Variants in SPRY3 observed in about 807,000 individuals in gnomAD.
The protein encoded by SPRY3 is sprouty RTK signaling antagonist 3.
A neutral mutation model predicts 20.2 loss-of-function variants in SPRY3; 15 were observed. The ratio of observed to expected loss-of-function variants is 0.74; its 90% CI spans 0.50 to 1.14. The LOEUF is 1.14. SPRY3 is among the 50% of genes most tolerant of loss of function. The pLI is 0.00. For synonymous variants in SPRY3, 143 were observed against 136.5 expected (o/e 1.05, Z -0.33); for missense variants, 364 against 363.9 (o/e 1.00, Z 0.00).
At chrX:155,613,044 G>A (rs1011363722) in intron 1 of SPRY3, 1 of 112,121 alleles carries the variant, frequency 8.9e-6, no homozygotes, top group Non-Finnish European at 1.9e-5. Flanking sequence ...TCTCCCATTC[G>A]GAAGGACTGG....
intron 2 of SPRY3, among the ~76,000 whole-genome samples, chrX:155,719,067 A>C (rs1283040501): frequency 6.6e-6 from 1 of 152,218 alleles, no homozygotes; most frequent in East Asian, 1.9e-4. Context: ...TAGAAAAAAC[A>C]GTCTTGAATC....
At chrX:155,712,423 A>G (rs1364094689) in intron 2 of SPRY3, among the ~76,000 whole-genome samples, 1 of 151,944 alleles carries the variant, frequency 6.6e-6, no homozygotes, top group South Asian at 2.1e-4. Context: ...AATTGGCCCC[A>G]TAATCATTAT....
chrX:155,756,980 C>G (rs1449604396), intron 2 of SPRY3, among the ~76,000 whole-genome samples: 9 of 152,136 alleles, frequency 5.9e-5, no homozygotes, highest in African/African-American at 1.9e-4. Flanking sequence ...CGATAGCTCC[C>G]TAATTGTTTT....
At chrX:155,632,207 T>C (rs1390831580) in intron 1 of SPRY3, among the ~76,000 whole-genome samples, 5 of 69,241 alleles carry the variant, frequency 7.2e-5, no homozygotes, top group African/African-American at 2.1e-4. Context: ...TCATATGTGA[T>C]TTCCACAGCC....
chrX:155,772,158 C>T (rs1441784363), intron 3 of SPRY3, among the ~76,000 whole-genome samples: 1 of 152,146 alleles, frequency 6.6e-6, no homozygotes, highest in East Asian at 1.9e-4. Context: ...TTTTGTCAGA[C>T]TGGTTCTTTG....
At chrX:155,672,497 A>G (rs1384986150) in intron 2 of SPRY3, among the ~76,000 whole-genome samples, 1 of 111,884 alleles carries the variant, frequency 8.9e-6, no homozygotes, top group Non-Finnish European at 1.9e-5. Flanking sequence ...GAGAAATGCA[A>G]ATCAAAACCA....
At chrX:155,665,502 T>C (rs925628737) in intron 2 of SPRY3, among the ~76,000 whole-genome samples, 17 of 111,305 alleles carry the variant, frequency 1.5e-4, no homozygotes, top group Non-Finnish European at 3.2e-4. Flanking sequence ...ATTTATTCAA[T>C]AGAATACTAT....
chrX:155,756,241 C>T (rs1460850658), intron 2 of SPRY3, among the ~76,000 whole-genome samples: 1 of 152,112 alleles, frequency 6.6e-6, no homozygotes, highest in East Asian at 1.9e-4. Flanking sequence ...GGACTTGCCC[C>T]ACTTTGTCTC....
At chrX:155,648,173 A>G (rs150116749) in intron 1 of SPRY3, among the ~76,000 whole-genome samples, 2,919 of 112,035 alleles carry the variant, frequency 0.026, 105 homozygotes, top group Admixed American at 0.13. Flanking sequence ...AAATTTGTTT[A>G]AGTTCCTTGT....
chrX:155,659,171 G>A (rs1420039227), intron 2 of SPRY3, among the ~76,000 whole-genome samples: 2 of 93,743 alleles, frequency 2.1e-5, no homozygotes, highest in East Asian at 6.7e-4. Context: ...TTGAGACAGA[G>A]TCTCGCTCTG....
rs782331216 is a variant in SPRY3, at chrX:155,661,756, CTAAG to C, written c.-282+4734_-282+4737del. On this transcript the variant is annotated intron_variant, in intron 2 of 3. Transcript: ENST00000675360. ...TTAAAACTTTTTTCTTTATTTCTGTCTAAGTAGGTTAATTCAAAAGACCTGTCTT... is the reference window on the plus strand; with the variant it reads ...TTAAAACTTTTTTCTTTATTTCTGTCTAGGTTAATTCAAAAGACCTGTCTT... 2.6e-3 allele frequency among the ~76,000 whole-genome samples: 289 copies of C among 111,462 alleles called. 2 individuals carry two copies. The Middle Eastern group carries it at 0.037, about 14-fold the overall frequency.
At chrX:155,639,424 T>C (rs2124535456) in intron 1 of SPRY3, among the ~76,000 whole-genome samples, 1 of 112,238 alleles carries the variant, frequency 8.9e-6, no homozygotes, top group African/African-American at 3.2e-5. Flanking sequence ...GTTAACAATC[T>C]CTGCTTCTGT....
intron 2 of SPRY3, among the ~76,000 whole-genome samples, chrX:155,688,547 TA>T (rs1254507203): frequency 9.0e-6 from 1 of 111,240 alleles, no homozygotes; most frequent in African/African-American, 3.3e-5. Flanking sequence ...CAGCATCTGT[TA>T]TTTTTTTGAC....
rs182594189 is a variant in SPRY3 at position 155,638,969 on chromosome X, C to T, written c.-440-17898C>T. On this transcript the variant is annotated intron_variant, in intron 1 of 3. Coordinates refer to ENST00000675360, the Ensembl canonical transcript of SPRY3. ...TTGGGTTGGCCTCAACTGAAGCTCA[C>T]TGCTTATTTCAAAGCATCTATCTCT... Among the ~76,000 whole-genome samples the T allele has an allele frequency of 2.1e-4, 23 of 111,327 alleles. No homozygotes were observed. The East Asian group carries it at 5.4e-3, about 26-fold the overall frequency.
chrX:155,712,049 A>T (rs1934279227), intron 2 of SPRY3, among the ~76,000 whole-genome samples: 1 of 151,446 alleles, frequency 6.6e-6, no homozygotes, highest in African/African-American at 2.4e-5. Context: ...GTTTTATTCC[A>T]TTGTGATGCT....
chrX:155,772,835 G>C (rs1362010382), intron 3 of SPRY3, among the ~76,000 whole-genome samples: 1 of 152,060 alleles, frequency 6.6e-6, no homozygotes, highest in Non-Finnish European at 1.5e-5. Context: ...TCAGTTTATT[G>C]TGTAAGGTAG....
In SPRY3 at chrX:155,626,012, G is replaced by A. The variant is rs188314343; in HGVS notation, c.-441+13365G>A. On this transcript the variant is annotated intron_variant, in intron 1 of 3. Coordinates refer to ENST00000675360, the Ensembl canonical transcript of SPRY3. ...TGGCTTTTGTGAGTAATTCCACTATGAACATTCATATACAAGATATTTTGT... is the reference window on the plus strand; with the variant it reads ...TGGCTTTTGTGAGTAATTCCACTATAAACATTCATATACAAGATATTTTGT... 5.1e-3 allele frequency among the ~76,000 whole-genome samples: 571 copies of A among 111,052 alleles called. 3 individuals are homozygous for A. Among genetic ancestry groups the A allele is most frequent in the Non-Finnish European group, 9.3e-3 (492 of 52,763 alleles).
intron 2 of SPRY3, among the ~76,000 whole-genome samples, chrX:155,677,237 T>G (rs1420365672): frequency 1.8e-5 from 2 of 111,599 alleles, no homozygotes; most frequent in Non-Finnish European, 3.8e-5. Flanking sequence ...GTCTCATTAC[T>G]TGGAGACATA....
At chrX:155,767,937 TTG>T (rs971346050) in intron 2 of SPRY3, 23 bp from the exon 2 acceptor site, 3 of 154,026 alleles carry the variant, frequency 1.9e-5, no homozygotes, top group Non-Finnish European at 4.3e-5. Context: ...TTGTTTTGTT[TTG>T]TGTTTTCTCT....
Sources: allele counts gnomAD v4.1 joint callset (sites outside exome capture counted in the v4.1 genomes callset), GRCh38; gene constraint gnomAD v4.1.1; transcripts MANE v1.5; gene names NCBI Gene and HGNC (gene_info 2026-07-23, HGNC 2026-07-21).